CWC27: variants seen among roughly 807,000 people sequenced by gnomAD.
The protein encoded by CWC27 is CWC27 spliceosome associated cyclophilin.
CWC27 carries 47 observed loss-of-function variants against 63.6 expected under a neutral mutation model. The observed-to-expected ratio is 0.74, with a 90% CI of 0.58 to 0.94. The LOEUF (loss-of-function observed/expected upper bound fraction) is 0.94. Among genes scored for constraint, CWC27 ranks in the 40% least tolerant of loss-of-function variants. The pLI, the probability that CWC27 is intolerant of heterozygous loss-of-function variation, is 0.00. For missense variants in CWC27, 495 were observed against 554.3 expected (o/e 0.89, Z 1.07); for synonymous variants, 175 against 179.8 (o/e 0.97, Z 0.22).
At chr5:64,877,276 A>G (rs1746816740) in intron 10 of CWC27, among the ~76,000 whole-genome samples, 1 of 152,006 alleles carries the variant, frequency 6.6e-6, no homozygotes, top group Non-Finnish European at 1.5e-5. Context: ...TGGAAGGAAC[A>G]AGAGGTCACT....
At chr5:64,909,478 G>A (rs772241869) in intron 11 of CWC27, among the ~76,000 whole-genome samples, 1 of 152,064 alleles carries the variant, frequency 6.6e-6, no homozygotes, top group Non-Finnish European at 1.5e-5. Context: ...TTGAATGTTG[G>A]CCTGCCTTGC....
chr5:64,849,832 G>A lies in CWC27; in HGVS notation c.939-35611G>A, dbSNP rs182688601. ...TCTCTCTCTCCTGTCACCTGGTGAA[G>A]AAGGTGCTTCCTTTTCCTTTGCCTT... On this transcript the variant is annotated intron_variant, in intron 10 of 13. Coordinates refer to ENST00000381070, the MANE Select transcript of CWC27 (RefSeq NM_005869.4). 5.9e-5 allele frequency among the ~76,000 whole-genome samples: 9 copies of A among 152,178 alleles called. No homozygotes were observed. In the East Asian group the frequency reaches 1.5e-3, roughly 26 times the overall value.
intron 2 of CWC27, among the ~76,000 whole-genome samples, chr5:64,776,570 C>T (rs1173597410): frequency 6.6e-6 from 1 of 151,908 alleles, no homozygotes; most frequent in Non-Finnish European, 1.5e-5. Context: ...TCAAATTCAC[C>T]AATCCTCTTA....
intron 10 of CWC27, among the ~76,000 whole-genome samples, chr5:64,814,671 G>C (rs143987009): frequency 2.0e-5 from 3 of 152,326 alleles, no homozygotes; most frequent in Non-Finnish European, 1.5e-5. Flanking sequence ...ACAGAGCCTA[G>C]AGAGGGGTTG....
At chr5:64,824,076 T>G (rs1032767777) in intron 10 of CWC27, among the ~76,000 whole-genome samples, 2 of 152,200 alleles carry the variant, frequency 1.3e-5, no homozygotes, top group African/African-American at 4.8e-5. Flanking sequence ...TCTAACTTTA[T>G]CTAGCTAGTG....
intron 11 of CWC27, among the ~76,000 whole-genome samples, chr5:64,970,516 G>A (rs2112441312): frequency 6.6e-6 from 1 of 152,244 alleles, no homozygotes; most frequent in East Asian, 1.9e-4. Context: ...CCGGCCGAAA[G>A]TAATTTTTAA....
At chr5:65,014,900 TA>T (rs1750024334) in intron 13 of CWC27, among the ~76,000 whole-genome samples, 2 of 152,378 alleles carry the variant, frequency 1.3e-5, no homozygotes, top group South Asian at 4.1e-4. Context: ...TATTGCCAAG[TA>T]ACTAGCCATG....
intron 7 of CWC27, among the ~76,000 whole-genome samples, chr5:64,792,434 C>A (rs1034545044): frequency 2.6e-5 from 4 of 151,958 alleles, no homozygotes; most frequent in African/African-American, 9.7e-5. Flanking sequence ...GTTCTTTTTC[C>A]CACCTGAAAT....
intron 13 of CWC27, among the ~76,000 whole-genome samples, chr5:65,009,834 A>T (rs1749915010): frequency 6.6e-6 from 1 of 152,244 alleles, no homozygotes; most frequent in Admixed American, 6.5e-5. Flanking sequence ...GTATTTTGTT[A>T]TGGCAGCCCA....
chr5:65,001,269 G>C (rs1339582813), intron 13 of CWC27, among the ~76,000 whole-genome samples: 1 of 152,050 alleles, frequency 6.6e-6, no homozygotes, highest in African/African-American at 2.4e-5. Flanking sequence ...TCTGCAAAGA[G>C]AGACAATTTG....
intron 13 of CWC27, among the ~76,000 whole-genome samples, chr5:65,017,287 C>T (rs2968209): frequency 0.86 from 131,158 of 152,006 alleles, 56,746 homozygotes; most frequent in African/African-American, 0.93. Flanking sequence ...CGCCACTGCA[C>T]TCCAGCCTGG....
intron 11 of CWC27, among the ~76,000 whole-genome samples, chr5:64,921,545 T>C (rs1193025816): frequency 1.3e-5 from 2 of 152,204 alleles, no homozygotes; most frequent in Non-Finnish European, 2.9e-5. Flanking sequence ...TTTGAGCTTA[T>C]GGGTAATCCT....
chr5:64,866,063 C>T (rs1485116537), intron 10 of CWC27, among the ~76,000 whole-genome samples: 1 of 152,016 alleles, frequency 6.6e-6, no homozygotes, highest in East Asian at 1.9e-4. Flanking sequence ...TTTTACAAGT[C>T]ACTGGAACTT....
intron 7 of CWC27, among the ~76,000 whole-genome samples, chr5:64,789,691 C>T (rs563977215): frequency 5.3e-5 from 8 of 152,130 alleles, no homozygotes; most frequent in South Asian, 2.1e-4. Flanking sequence ...TACTGAAACA[C>T]GGTGTCATGC....
Position 64,856,468 on chromosome 5 carries a change from A to ATGTGTGTG in CWC27, c.939-28963_939-28956dup, listed in dbSNP as rs10640210. 5.2e-3 allele frequency among the ~76,000 whole-genome samples: 780 copies of ATGTGTGTG among 149,678 alleles called. 3 individuals carry two copies. Among genetic ancestry groups the ATGTGTGTG allele is most frequent in the African/African-American group, 0.012 (505 of 41,018 alleles). On this transcript the variant is annotated intron_variant, in intron 10 of 13. Coordinates refer to ENST00000381070, the MANE Select transcript of CWC27 (RefSeq NM_005869.4). The stretch of plus-strand genomic sequence containing the variant: ...AGAAACTTAGTGTATGTGTGTGTGT[A>ATGTGTGTG]TGTGTGTGTGTGTGTGTGTATGTGT...
intron 10 of CWC27, among the ~76,000 whole-genome samples, chr5:64,853,803 C>CT (rs1561435455): frequency 6.6e-6 from 1 of 152,212 alleles, no homozygotes; most frequent in African/African-American, 2.4e-5. Flanking sequence ...ACCTTCAAAA[C>CT]TGGGGATGAC....
intron 10 of CWC27, among the ~76,000 whole-genome samples, chr5:64,859,196 T>A (rs948898346): frequency 5.9e-5 from 9 of 152,178 alleles, no homozygotes; most frequent in Non-Finnish European, 1.2e-4. Context: ...TTTATTTGAA[T>A]TGTTAGAAGT....
chr5:64,832,135 T>C (rs1237136927), intron 10 of CWC27, among the ~76,000 whole-genome samples: 1 of 151,952 alleles, frequency 6.6e-6, no homozygotes, highest in Non-Finnish European at 1.5e-5. Flanking sequence ...TCCATTGGTT[T>C]ATTTTGCACT....
At chr5:64,945,488 A>G (rs764305960) in intron 11 of CWC27, among the ~76,000 whole-genome samples, 45 of 152,308 alleles carry the variant, frequency 3.0e-4, no homozygotes, top group Non-Finnish European at 4.7e-4. Context: ...CCTTTTGTTA[A>G]CAAAAAAGAA....
Sources: gnomAD v4.1 joint callset for allele counts (sites outside exome capture counted in the v4.1 genomes callset) on GRCh38, gnomAD v4.1.1 for gene constraint, MANE v1.5 for transcripts, NCBI Gene and HGNC (gene_info 2026-07-23, HGNC 2026-07-21) for gene names.